The following IGFBPL1 variants were observed in gnomAD, a reference collection of about 807,000 sequenced individuals.
IGFBPL1 encodes the protein insulin-like growth factor-binding protein-like 1.
In IGFBPL1, 20 loss-of-function variants were observed where a neutral mutation model predicts 23.9. The ratio of observed to expected loss-of-function variants is 0.84; its 90% CI spans 0.59 to 1.22. The LOEUF is 1.22. Ranked by LOEUF, IGFBPL1 falls within the 50% of genes most tolerant of loss-of-function variation. The pLI, the probability that IGFBPL1 is intolerant of heterozygous loss-of-function variation, is 0.00. For missense variants in IGFBPL1, 436 were observed against 379.3 expected (o/e 1.15, Z -1.24); for synonymous variants, 184 against 171.8 (o/e 1.07, Z -0.56).
intron 3 of IGFBPL1, among the ~76,000 whole-genome samples, chr9:38,411,888 C>G (rs1821518281): frequency 6.6e-6 from 1 of 152,184 alleles, no homozygotes; most frequent in Non-Finnish European, 1.5e-5. Context: ...AATCTACTGA[C>G]CAAAGAATGA....
At chr9:38,410,449 C>T (rs1381304702) in intron 4 of IGFBPL1, among the ~76,000 whole-genome samples, 1 of 149,928 alleles carries the variant, frequency 6.7e-6, no homozygotes, top group Non-Finnish European at 1.5e-5. Flanking sequence ...CACCACTGCA[C>T]TCCAGCCTGG....
intron 3 of IGFBPL1, among the ~76,000 whole-genome samples, chr9:38,412,237 C>T (rs753503330): frequency 3.3e-5 from 5 of 152,164 alleles, no homozygotes; most frequent in South Asian, 2.1e-4. Flanking sequence ...CACATCAGCT[C>T]GTTTTAAACT....
At chr9:38,413,162 T>G (rs7018644) in intron 3 of IGFBPL1, 75 bp downstream of exon 3, 352,993 of 993,362 alleles carry the variant, frequency 0.36, 63,805 homozygotes, top group Non-Finnish European at 0.37. Context: ...CTTTGAAACA[T>G]GTAATGTGTT....
intron 2 of IGFBPL1, among the ~76,000 whole-genome samples, 154 bp downstream of exon 2, chr9:38,413,940 C>T (rs1197714157): frequency 6.6e-6 from 1 of 151,872 alleles, no homozygotes; most frequent in East Asian, 1.9e-4. Flanking sequence ...GATATCTTTT[C>T]TTCATCCTCT....
intron 4 of IGFBPL1, among the ~76,000 whole-genome samples, chr9:38,411,155 G>A (rs201392967): frequency 1.3e-5 from 2 of 152,152 alleles, no homozygotes; most frequent in East Asian, 3.8e-4. Context: ...TCATCTCATG[G>A]ACACACATCA....
At chr9:38,415,011 T>C (rs4878812) in intron 1 of IGFBPL1, among the ~76,000 whole-genome samples, 5,827 of 152,260 alleles carry the variant, frequency 0.038, 198 homozygotes, top group East Asian at 0.12. Flanking sequence ...CTCACCTGCA[T>C]TGGACAGCAA....
intron 1 of IGFBPL1, among the ~76,000 whole-genome samples, chr9:38,414,553 A>G (rs539434776): frequency 1.4e-4 from 22 of 152,084 alleles, no homozygotes; most frequent in Admixed American, 9.8e-4. Flanking sequence ...ACCAGGAAAA[A>G]CGGCAGCCGA....
At chr9:38,411,192 TAAG>T (rs1821508934) in intron 4 of IGFBPL1, among the ~76,000 whole-genome samples, 196 bp downstream of exon 4, 1 of 152,240 alleles carries the variant, frequency 6.6e-6, no homozygotes, top group Non-Finnish European at 1.5e-5. Flanking sequence ...CTTTGCATGC[TAAG>T]AAGCTCAGAG....
Position 38,408,700 on chromosome 9 carries a change from G to A in IGFBPL1, c.*527C>T, listed in dbSNP as rs1456748053. 1.3e-5 allele frequency among the ~76,000 whole-genome samples: 2 copies of A among 152,164 alleles called. No individual in the cohort carries two copies. Among genetic ancestry groups the A allele is most frequent in the Admixed American group, 1.3e-4 (2 of 15,282 alleles). ...CCAAAAGGCCATCTTAATCTAGGAT[G>A]GCAGGGCTAAAAGGGACATTGATAA... On this transcript the variant is annotated 3_prime_UTR_variant, in exon 5 of 5. Coordinates refer to ENST00000377694, the MANE Select transcript of IGFBPL1 (RefSeq NM_001007563.3).
intron 1 of IGFBPL1, among the ~76,000 whole-genome samples, chr9:38,417,125 C>T (rs192477815): frequency 6.6e-6 from 1 of 152,294 alleles, no homozygotes; most frequent in African/African-American, 2.4e-5. Context: ...CTAAGCACTC[C>T]TCTGCCTACA....
chr9:38,411,453 C>T lies in IGFBPL1; in HGVS notation c.784G>A (p.Asp262Asn). ...AESHSTVTVL[D>N]LSKYRSFHFP... ...TGGAAGCTCCTGTATTTACTCAGAT[C>T]TAGAACCGTCACTGTGCTGTGGGAC... The change falls in exon 4 of 5, where the codon GAT becomes AAT. Residue 262 changes from aspartate (D) to asparagine (N), a missense_variant. Physicochemically the swap from Asp to Asn is conservative, Grantham distance 23. Transcript: ENST00000377694. 1 of 1,614,166 alleles carries T rather than the reference C, an allele frequency of 6.2e-7. No individual in the cohort carries two copies. The highest frequency in any genetic ancestry group is 2.2e-5 in the East Asian group (1 of 44,892).
intron 2 of IGFBPL1, among the ~76,000 whole-genome samples, chr9:38,413,723 C>T (rs1821550574): frequency 6.6e-6 from 1 of 152,102 alleles, no homozygotes; most frequent in Non-Finnish European, 1.5e-5. Flanking sequence ...TCTTCTGCCA[C>T]CAGCCAGGTC....
chr9:38,409,243 T>TA, intron 4 of IGFBPL1, 26 bp from the exon 5 acceptor site: 1 of 152,294 alleles, frequency 6.6e-6, no homozygotes, highest in South Asian at 2.1e-4. Context: ...GAGAAAGAAT[T>TA]AGAGAACGTA....
In IGFBPL1 at chr9:38,411,536, C is replaced by T. The variant is rs138029463; in HGVS notation, c.701G>A (p.Arg234Gln). The T allele has an allele frequency of 4.0e-5, 65 of 1,613,890 alleles. No homozygotes were observed. The highest frequency in any genetic ancestry group is 2.8e-4 in the African/African-American group (21 of 75,034). Reference sequence around the variant, plus strand: ...CTGGTACACACCCTCATCCTCCTTTCGCAGGGGGTTGATCTAGAAATACAA... The same window carrying T: ...CTGGTACACACCCTCATCCTCCTTTTGCAGGGGGTTGATCTAGAAATACAA... ...ATAWILINPL[R>Q]KEDEGVYQCH... Residue 234 changes from arginine to glutamine, a missense_variant, in exon 4 of 5, where the codon CGA (arginine) becomes CAA (glutamine). By Grantham distance (43) the Arg-to-Gln change is conservative. Coordinates refer to ENST00000377694, the MANE Select transcript of IGFBPL1 (RefSeq NM_001007563.3).
At chr9:38,413,079 C>A (rs922798156) in intron 3 of IGFBPL1, among the ~76,000 whole-genome samples, 158 bp downstream of exon 3, 7 of 152,204 alleles carry the variant, frequency 4.6e-5, no homozygotes, top group Non-Finnish European at 8.8e-5. Flanking sequence ...CACGTATGTT[C>A]CCAGCAGATC....
Position 38,408,026 on chromosome 9 carries a change from T to C in IGFBPL1, c.*1201A>G, listed in dbSNP as rs1017148307. Among the ~76,000 whole-genome samples, 3 of 152,146 alleles carry C rather than the reference T, an allele frequency of 2.0e-5. No individual in the cohort carries two copies. The highest frequency in any genetic ancestry group is 4.4e-5 in the Non-Finnish European group (3 of 68,038). On this transcript the variant is annotated 3_prime_UTR_variant, in exon 5 of 5. Transcript: ENST00000377694. The stretch of plus-strand genomic sequence containing the variant: ...AGGTAAAATATATTCTACTACAATC[T>C]AATTCCACAGTCTGGAGATAACACC...
At chr9:38,420,397 C>T (rs529302047) in intron 1 of IGFBPL1, among the ~76,000 whole-genome samples, 1 of 152,330 alleles carries the variant, frequency 6.6e-6, no homozygotes, top group African/African-American at 2.4e-5. Context: ...TAGCCCAGTG[C>T]TAAATAGAGG....
rs1821468515 is a variant in IGFBPL1 at position 38,408,757 on chromosome 9, A to C, written c.*470T>G. Reference sequence around the variant, plus strand: ...GTTAAAATGCCATACTCACAGATGAAGGGACCAGGGCCCAGAGAGGGGAAG... The same window carrying C: ...GTTAAAATGCCATACTCACAGATGACGGGACCAGGGCCCAGAGAGGGGAAG... On this transcript the variant is annotated 3_prime_UTR_variant, in exon 5 of 5. Transcript: ENST00000377694. 6.6e-6 allele frequency among the ~76,000 whole-genome samples: 1 copy of C among 152,204 alleles called. No individual in the cohort carries two copies. Among genetic ancestry groups the C allele is most frequent in the East Asian group, 1.9e-4 (1 of 5,196 alleles).
intron 4 of IGFBPL1, among the ~76,000 whole-genome samples, chr9:38,409,862 G>A (rs560319579): frequency 1.3e-4 from 20 of 152,058 alleles, no homozygotes; most frequent in African/African-American, 4.3e-4. Flanking sequence ...CCACCTCCTC[G>A]ATGATTCTTC....
Sources: gnomAD v4.1 joint callset for allele counts (sites outside exome capture counted in the v4.1 genomes callset) on GRCh38, gnomAD v4.1.1 for gene constraint, MANE v1.5 for transcripts, NCBI Gene and HGNC (gene_info 2026-07-23, HGNC 2026-07-21) for gene names.